Variants in UTP4 observed in about 807,000 individuals in gnomAD.
UTP4 encodes the protein UTP4 small subunit processome component, also known as U3 small nucleolar RNA-associated protein 4 homolog.
UTP4 carries 45 observed loss-of-function variants against 82.4 expected under a neutral mutation model. That is an observed-to-expected ratio of 0.55 (90% CI 0.43 to 0.70). The LOEUF is 0.70. Ranked by LOEUF, UTP4 falls within the 30% of genes least tolerant of loss-of-function variation. The probability of loss-of-function intolerance (pLI) is 0.00; values close to 1 mark genes in which losing one functional copy is unlikely to be tolerated. For missense variants in UTP4, 819 were observed against 858.3 expected, an observed-to-expected ratio of 0.95 and a Z score of 0.57; for synonymous variants, 348 against 300.3, an observed-to-expected ratio of 1.16 and a Z score of -1.64.
chr16:69,154,947 C>T (rs1214844448), intron 10 of UTP4, among the ~76,000 whole-genome samples: 2 of 151,804 alleles, frequency 1.3e-5, no homozygotes, highest in African/African-American at 2.4e-5. Context: ...CTTGAACTCC[C>T]GACCTCAGGT....
intron 16 of UTP4, 49 bp downstream of exon 16, chr16:69,167,234 C>A: frequency 1.7e-6 from 2 of 1,205,398 alleles, no homozygotes; most frequent in Non-Finnish European, 2.5e-6. Flanking sequence ...CTTTGTGATA[C>A]CAAAATGTAA....
chr16:69,160,456 G>A lies in UTP4; in HGVS notation c.1545G>A (p.Gln515=). The A allele has an allele frequency of 9.3e-6, 15 of 1,612,694 alleles. No homozygotes were observed. Among genetic ancestry groups the A allele is most frequent in the Non-Finnish European group, 1.2e-5 (14 of 1,178,680 alleles). Residue 515 remains glutamine, a synonymous_variant, in exon 13 of 17, where the codon CAG becomes CAA. Coordinates refer to ENST00000314423, the MANE Select transcript of UTP4 (RefSeq NM_032830.3). The part of the protein sequence containing the change: ...SAGVHVYNVK[Q]LKLHCTVPAY... ...GAGTCCATGTCTACAACGTAAAACA[G>A]CTAAAGGTGAGCATAGGGTTTCATG...
At chr16:69,165,927 C>T (rs531160553) in intron 15 of UTP4, 68 of 346,466 alleles carry the variant, frequency 2.0e-4, no homozygotes, top group African/African-American at 1.4e-3. Context: ...AACCTGGTTT[C>T]ATTAAAGGAG....
chr16:69,134,072 G>A (rs1266640764), intron 2 of UTP4, among the ~76,000 whole-genome samples: 2 of 152,170 alleles, frequency 1.3e-5, no homozygotes, highest in Admixed American at 1.3e-4. Flanking sequence ...AGAGAATGTA[G>A]ACCTACATGT....
At chr16:69,148,514 G>A (rs991485589) in intron 6 of UTP4, among the ~76,000 whole-genome samples, 2 of 151,774 alleles carry the variant, frequency 1.3e-5, no homozygotes, top group Non-Finnish European at 2.9e-5. Context: ...TTACAGGCCT[G>A]AGCCACCACG....
rs767638031 is a variant in UTP4 at position 69,168,871 on chromosome 16, A to G, written c.1995A>G (p.Glu665=). The part of the protein sequence containing the change: ...LLDERTLVAV[E]RPLDDIIAQL... The stretch of plus-strand genomic sequence containing the variant: ...ATGAAAGAACACTCGTGGCAGTAGA[A>G]CGGCCTCTGGATGACATCATTGCTC... The change falls in exon 17 of 17, where the codon GAA becomes GAG. Residue 665 remains glutamate, a synonymous_variant. Coordinates refer to ENST00000314423, the MANE Select transcript of UTP4 (RefSeq NM_032830.3). 6.2e-7 allele frequency: 1 copy of G among 1,614,118 alleles called. No individual in the cohort carries two copies. The highest frequency in any genetic ancestry group is 1.6e-4 in the Middle Eastern group (1 of 6,062).
chr16:69,142,901 C>T (rs1962999996), intron 5 of UTP4, among the ~76,000 whole-genome samples: 1 of 152,210 alleles, frequency 6.6e-6, no homozygotes, highest in Admixed American at 6.5e-5. Flanking sequence ...GTTAGGCTCT[C>T]CCAACACCCC....
intron 2 of UTP4, among the ~76,000 whole-genome samples, chr16:69,134,307 G>A (rs1340449563): frequency 6.6e-6 from 1 of 151,736 alleles, no homozygotes; most frequent in East Asian, 1.9e-4. Context: ...CCTGGTACCT[G>A]GAATTTAGGC....
chr16:69,160,598 C>CTT (rs369908672), intron 13 of UTP4, 136 bp downstream of exon 13: 3,990 of 572,220 alleles, frequency 7.0e-3, no homozygotes, highest in Middle Eastern at 0.01. Context: ...CTTTTCTTTT[C>CTT]TTTTTTTTTT....
intron 12 of UTP4, among the ~76,000 whole-genome samples, chr16:69,160,056 A>G (rs1020334507): frequency 6.6e-6 from 1 of 152,140 alleles, no homozygotes; most frequent in Non-Finnish European, 1.5e-5. Context: ...TAAAGTATAT[A>G]TTTTAGTGGC....
intron 8 of UTP4, among the ~76,000 whole-genome samples, chr16:69,153,155 T>C (rs1184067582): frequency 1.3e-5 from 2 of 152,188 alleles, no homozygotes; most frequent in Admixed American, 1.3e-4. Context: ...CTTTGAGCTA[T>C]GTCACATGCC....
chr16:69,139,800 C>CT, intron 4 of UTP4, 25 bp from the exon 5 acceptor site: 2 of 1,537,434 alleles, frequency 1.3e-6, no homozygotes, highest in Non-Finnish European at 1.8e-6. Context: ...ATGTCACTTT[C>CT]TTTTTTTGTT....
rs987126721 is a variant in UTP4, at chr16:69,160,357, A to G, written c.1446A>G (p.Gly482=). 1.9e-6 allele frequency: 3 copies of G among 1,612,464 alleles called. No individual in the cohort carries two copies. Among genetic ancestry groups the G allele is most frequent in the Admixed American group, 1.7e-5 (1 of 60,000 alleles). Reference sequence around the variant, plus strand: ...GATGTAACTGTTTTGTCCTCACAGGAACAGTGGAGGCCATGTGTCTTTTGG... The same window carrying G: ...GATGTAACTGTTTTGTCCTCACAGGGACAGTGGAGGCCATGTGTCTTTTGG... ...KHLHAFQPQS[G]TVEAMCLLAV... The change falls in exon 13 of 17, where the codon GGA becomes GGG. Residue 482 remains glycine (G), a splice_region_variant and synonymous_variant. Transcript: ENST00000314423.
intron 4 of UTP4, among the ~76,000 whole-genome samples, chr16:69,138,493 T>C (rs560272151): frequency 6.6e-5 from 10 of 152,284 alleles, no homozygotes; most frequent in African/African-American, 2.4e-4. Flanking sequence ...CCACCTGCCT[T>C]GGCCTCAAGT....
rs1474320813 is a variant in UTP4, at chr16:69,157,167, T to A, written c.1371T>A (p.Asn457Lys). Residue 457 changes from asparagine (N) to lysine (K), a missense_variant, in exon 12 of 17, where the codon AAT becomes AAA. Transcript: ENST00000314423. ...CAACAAAGCTCTTTGTAGCATCAAA[T>A]CAAGGAGCTCTGCATATTGTTCAGC... ...EDSTKLFVAS[N>K]QGALHIVQLS... is the part of the protein sequence containing the mutation. 14 of 1,614,188 alleles carry A rather than the reference T, an allele frequency of 8.7e-6. No individual in the cohort carries two copies. Among genetic ancestry groups the A allele is most frequent in the Non-Finnish European group, 1.1e-5 (13 of 1,180,018 alleles).
At chr16:69,144,915 A>G (rs540447387) in intron 6 of UTP4, among the ~76,000 whole-genome samples, 89 of 152,190 alleles carry the variant, frequency 5.8e-4, no homozygotes, top group African/African-American at 2.1e-3. Flanking sequence ...GCCAAGGCGG[A>G]CGGATCACCT....
At chr16:69,153,859 G>A (rs567757035) in intron 9 of UTP4, 179 bp downstream of exon 9, 18 of 650,268 alleles carry the variant, frequency 2.8e-5, no homozygotes, top group East Asian at 1.1e-4. Flanking sequence ...AGAATCTTTA[G>A]CAGGATATTG....
Position 69,143,205 on chromosome 16 carries a change from A to G in UTP4, c.554A>G (p.Asp185Gly), listed in dbSNP as rs779968688. ...SGSAVHKMIV[D>G]RQYMGVSKRK... ...AGCGCTGTTCATAAGATGATTGTGG[A>G]CAGGCAGTATATGGGCGTGTCTAAG... is the stretch of plus-strand genomic sequence containing the variant. The change falls in exon 6 of 17, where the codon GAC (aspartate) becomes GGC (glycine). Residue 185 changes from aspartate to glycine, a missense_variant. Transcript: ENST00000314423. The G allele has an allele frequency of 1.2e-6, 2 of 1,614,110 alleles. No individual in the cohort carries two copies. The highest frequency in any genetic ancestry group is 1.3e-5 in the African/African-American group (1 of 74,934).
chr16:69,155,989 A>T lies in UTP4; in HGVS notation c.1283A>T (p.Lys428Ile). ...LNYEHDNISL[K>I]RVSKMPAFLR... ...TATGAACATGACAACATAAGCCTCAAAAGGGTAAGTGATAGTCCAATATCT... is the reference window on the plus strand; with the variant it reads ...TATGAACATGACAACATAAGCCTCATAAGGGTAAGTGATAGTCCAATATCT... The change falls in exon 11 of 17, where the codon AAA becomes ATA. Residue 428 changes from lysine (K) to isoleucine (I), a missense_variant. Physicochemically the swap from Lys to Ile is moderately radical, Grantham distance 102 (BLOSUM62 -3). Coordinates refer to ENST00000314423, the MANE Select transcript of UTP4 (RefSeq NM_032830.3). 1 of 1,614,182 alleles carries T rather than the reference A, an allele frequency of 6.2e-7. No homozygotes were observed. The highest frequency in any genetic ancestry group is 8.5e-7 in the Non-Finnish European group (1 of 1,180,006).
Sources: gnomAD v4.1 joint callset for allele counts (sites outside exome capture counted in the v4.1 genomes callset) on GRCh38, gnomAD v4.1.1 for gene constraint, MANE v1.5 for transcripts, NCBI Gene and HGNC (gene_info 2026-07-23, HGNC 2026-07-21) for gene names.